POLR2B: variants seen among roughly 807,000 people sequenced by gnomAD.
The protein encoded by POLR2B is RNA polymerase II subunit B.
A neutral mutation model predicts 144.6 loss-of-function variants in POLR2B; 57 were observed. That is an observed-to-expected ratio of 0.39 (90% CI 0.32 to 0.49). POLR2B has a LOEUF of 0.49. POLR2B is among the 20% of genes least tolerant of loss of function. POLR2B has a pLI of 0.83. For synonymous variants in POLR2B, 442 were observed against 469.8 expected (o/e 0.94, Z 0.77); for missense variants, 595 against 1,467.4 (o/e 0.41, Z 9.71).
chr4:57,026,592 G>A (rs762862466), intron 23 of POLR2B, among the ~76,000 whole-genome samples: 4 of 151,718 alleles, frequency 2.6e-5, no homozygotes, highest in South Asian at 2.1e-4. Context: ...AGCTCATTAC[G>A]TGTTAACATA....
At chr4:57,021,485 C>CTTTTTTT (rs34804702) in intron 17 of POLR2B, among the ~76,000 whole-genome samples, 2 of 110,338 alleles carry the variant, frequency 1.8e-5, no homozygotes, top group South Asian at 3.4e-4. Flanking sequence ...AATGTAAAAA[C>CTTTTTTT]TTTTTTTTTT....
chr4:57,010,284 A>C, intron 10 of POLR2B, 77 bp from the exon 11 acceptor site: 1 of 1,268,938 alleles, frequency 7.9e-7, no homozygotes, highest in East Asian at 2.3e-5. Context: ...TTATATGTAA[A>C]AATATGACTT....
At chr4:57,015,046 G>A (rs1006536118) in intron 13 of POLR2B, among the ~76,000 whole-genome samples, 1 of 151,940 alleles carries the variant, frequency 6.6e-6, no homozygotes, top group Non-Finnish European at 1.5e-5. Context: ...TTTGTCTGAG[G>A]GTGGGTGTGA....
At chr4:57,030,827 C>T (rs1723894127) in intron 24 of POLR2B, 72 bp from the exon 25 acceptor site, 2 of 851,646 alleles carry the variant, frequency 2.3e-6, no homozygotes, top group Admixed American at 1.8e-5. Context: ...AGATCTTTGT[C>T]TTTTTCTGGG....
chr4:56,981,349 T>G (rs1722153694), intron 1 of POLR2B, among the ~76,000 whole-genome samples: 1 of 152,170 alleles, frequency 6.6e-6, no homozygotes, highest in Admixed American at 6.5e-5. Flanking sequence ...CTAGTCATTT[T>G]CGGGTTCAAA....
chr4:56,999,620 G>T lies in POLR2B; in HGVS notation c.739G>T (p.Ala247Ser). 6.3e-7 allele frequency: 1 copy of T among 1,596,872 alleles called. No individual in the cohort carries two copies. The highest frequency in any genetic ancestry group is 8.5e-7 in the Non-Finnish European group (1 of 1,172,166). ...VSMLARGGQG[A>S]KKSAIGQRIV... ...TAATGATACTTTATTTTTCTAGGGT[G>T]CCAAGAAGAGTGCTATTGGTCAGCG... Residue 247 changes from alanine to serine, a missense_variant, in exon 7 of 25, where the codon GCC (alanine) becomes TCC (serine). By Grantham distance (99) the Ala-to-Ser change is moderately conservative. This residue lies in a region of POLR2B where 251 missense variants were observed against 567.3 expected (regional missense o/e 0.44). Transcript: ENST00000314595.
At chr4:56,980,647 G>A (rs1430228354) in intron 1 of POLR2B, among the ~76,000 whole-genome samples, 1 of 152,102 alleles carries the variant, frequency 6.6e-6, no homozygotes, top group Non-Finnish European at 1.5e-5. Context: ...TTGAGCCTGG[G>A]AAGTTGACAC....
At chr4:57,010,532 C>A in intron 11 of POLR2B, 28 bp downstream of exon 11, 1 of 1,592,764 alleles carries the variant, frequency 6.3e-7, no homozygotes, top group South Asian at 1.1e-5. Flanking sequence ...ACATTCAGGA[C>A]AAAAAGTCAG....
In POLR2B at chr4:56,995,162, C is replaced by T. The variant is rs1722640256; in HGVS notation, c.577-89C>T. The T allele has an allele frequency of 8.7e-6, 8 of 918,272 alleles. No individual in the cohort carries two copies. In the South Asian group the frequency reaches 8.8e-5, roughly 10 times the overall value. The allele number at this position is 918,272 out of a possible 1,614,324, so 56.9% of individuals were successfully genotyped here. A position where few individuals can be genotyped will look rare whatever the true frequency, so the allele number is the denominator to read the frequency against. ...AAATATTTCAGTGAGCCTATATGGT[C>T]AGATTAAATTAAGATGCAGATTTTA... On this transcript the variant is annotated intron_variant, in intron 5 of 24. Coordinates refer to ENST00000314595, the MANE Select transcript of POLR2B (RefSeq NM_000938.3).
chr4:57,011,047 C>T lies in POLR2B; in HGVS notation c.1747C>T (p.Leu583Phe). ...WVGIHKDPEQ[L>F]MNTLRKLRRQ... ...TGGAATACATAAAGATCCCGAACAACTTATGAACACCCTAAGGAAATTGAG... is the reference window on the plus strand; with the variant it reads ...TGGAATACATAAAGATCCCGAACAATTTATGAACACCCTAAGGAAATTGAG... Residue 583 changes from leucine to phenylalanine, a missense_variant, in exon 13 of 25, where the codon CTT (leucine) becomes TTT (phenylalanine). By Grantham distance (22) the Leu-to-Phe change is conservative (BLOSUM62 0). Coordinates refer to ENST00000314595, the MANE Select transcript of POLR2B (RefSeq NM_000938.3). 6.2e-7 allele frequency: 1 copy of T among 1,613,992 alleles called. No homozygotes were observed. Among genetic ancestry groups the T allele is most frequent in the Non-Finnish European group, 8.5e-7 (1 of 1,179,894 alleles).
At position 56,994,866 on chromosome 4, in the gene POLR2B, G is replaced by A; in HGVS notation, c.576G>A (p.Lys192=). The A allele has an allele frequency of 6.7e-7, 1 of 1,491,354 alleles. No homozygotes were observed. The highest frequency in any genetic ancestry group is 9.2e-7 in the Non-Finnish European group (1 of 1,086,458). The allele number at this position is 1,491,354 out of a possible 1,614,324, so 92.4% of individuals were successfully genotyped here. ...ATTTCATTATTAATGGATCAGAAAA[G>A]GTATAGTAACATTATTTTAAAAAAT... The part of the protein sequence containing the change: ...GGYFIINGSE[K]VLIAQEKMAT... Residue 192 remains lysine, a splice_region_variant and synonymous_variant, in exon 5 of 25, where the codon AAG becomes AAA. Transcript: ENST00000314595.
chr4:56,980,326 A>G (rs780377407), intron 1 of POLR2B, among the ~76,000 whole-genome samples: 1 of 152,184 alleles, frequency 6.6e-6, no homozygotes, highest in Non-Finnish European at 1.5e-5. Flanking sequence ...TTTTTTAACT[A>G]CTATCTCAGT....
chr4:57,008,600 C>T (rs566624394), intron 10 of POLR2B, among the ~76,000 whole-genome samples: 18 of 152,280 alleles, frequency 1.2e-4, no homozygotes, highest in Admixed American at 5.2e-4. Context: ...ACAGTCTATG[C>T]TTGTAGATGT....
At chr4:56,997,067 TG>T (rs1490337108) in intron 6 of POLR2B, among the ~76,000 whole-genome samples, 1 of 151,838 alleles carries the variant, frequency 6.6e-6, no homozygotes, top group East Asian at 1.9e-4. Flanking sequence ...CACACCAGCG[TG>T]GGTGACAGAG....
At chr4:56,997,538 G>A (rs543889897) in intron 6 of POLR2B, among the ~76,000 whole-genome samples, 4 of 152,266 alleles carry the variant, frequency 2.6e-5, no homozygotes, top group African/African-American at 9.6e-5. Context: ...ATGAGCCACC[G>A]CCCCTGACCA....
At chr4:57,005,809 G>A in intron 9 of POLR2B, 90 bp downstream of exon 9, 1 of 1,182,428 alleles carries the variant, frequency 8.5e-7, no homozygotes, top group Non-Finnish European at 1.2e-6. Context: ...AACTGTGTTG[G>A]CATCCACGTT....
chr4:57,004,253 G>A (rs1005089485), intron 7 of POLR2B, among the ~76,000 whole-genome samples: 17 of 150,784 alleles, frequency 1.1e-4, no homozygotes, highest in African/African-American at 3.4e-4. Context: ...TCTTCACTAC[G>A]TTGGCCAGGC....
Position 56,978,922 on chromosome 4 carries a change from T to A in POLR2B, c.-64T>A. The A allele has an allele frequency of 6.6e-7, 1 of 1,514,768 alleles. No individual in the cohort carries two copies. The highest frequency in any genetic ancestry group is 1.8e-4 in the Middle Eastern group (1 of 5,470). The allele number at this position is 1,514,768 out of a possible 1,614,324, so 93.8% of individuals were successfully genotyped here. A position where few individuals can be genotyped will look rare whatever the true frequency, so the allele number is the denominator to read the frequency against. ...CTTCGTCTTTAGCTCCTGGCGCTGC[T>A]GGCTTCTGGGCGGTTTTTGTCTTTT... On this transcript the variant is annotated 5_prime_UTR_variant, in exon 1 of 25. Coordinates refer to ENST00000314595, the MANE Select transcript of POLR2B (RefSeq NM_000938.3).
intron 23 of POLR2B, 64 bp downstream of exon 23, chr4:57,025,601 CA>C: frequency 8.9e-7 from 1 of 1,122,026 alleles, no homozygotes. Context: ...GTCAACACAC[CA>C]AAATGGAGAT....
Sources: gnomAD v4.1 joint callset for allele counts (sites outside exome capture counted in the v4.1 genomes callset) on GRCh38, gnomAD v4.1.1 for gene constraint, gnomAD v4.1.1 regional missense constraint, MANE v1.5 for transcripts, NCBI Gene and HGNC (gene_info 2026-07-23, HGNC 2026-07-21) for gene names.